Variants in TKFC observed in about 807,000 individuals in gnomAD.
TKFC encodes the protein triokinase and FMN cyclase.
TKFC carries 46 observed loss-of-function variants against 61.0 expected under a neutral mutation model. That is an observed-to-expected ratio of 0.75 (90% CI 0.60 to 0.96). The LOEUF is 0.96. Among genes scored for constraint, TKFC ranks in the 50% least tolerant of loss-of-function variants. The pLI, the probability that TKFC is intolerant of heterozygous loss-of-function variation, is 0.00. For missense variants in TKFC, 715 were observed against 777.5 expected, an observed-to-expected ratio of 0.92 and a Z score of 0.96; for synonymous variants, 314 against 330.1, an observed-to-expected ratio of 0.95 and a Z score of 0.53.
At chr11:61,336,110 T>TA (rs1301039308) in intron 2 of TKFC, 1 of 154,240 alleles carries the variant, frequency 6.5e-6, no homozygotes, top group African/African-American at 2.4e-5. Context: ...GAAGATTAAA[T>TA]GAGACATGCT....
chr11:61,344,265 C>T lies in TKFC; in HGVS notation c.1232C>T (p.Ala411Val), dbSNP rs532041401. The change falls in exon 13 of 18, where the codon GCG becomes GTG. Residue 411 changes from alanine to valine, a missense_variant. Physicochemically the swap from Ala to Val is moderately conservative, Grantham distance 64. Transcript: ENST00000394900. ...DGDCGTTHSR[A>V]ARAIQEWLKE... ...GACTGTGGCACCACCCACAGCCGTG[C>T]GGCCAGAGGTTGGTGCCAGGGACTT... 5.5e-5 allele frequency: 88 copies of T among 1,612,442 alleles called. 3 individuals carry two copies. In the South Asian group the frequency reaches 8.0e-4, roughly 15 times the overall value.
At chr11:61,340,135 C>T (rs1295597245) in intron 5 of TKFC, among the ~76,000 whole-genome samples, 1 of 152,100 alleles carries the variant, frequency 6.6e-6, no homozygotes. Context: ...CTCAGCCTCC[C>T]GAGTAGCTGG....
In TKFC at chr11:61,342,799, T is replaced by G. The variant is rs1195417742; in HGVS notation, c.820T>G (p.Phe274Val). 1 of 1,614,006 alleles carries G rather than the reference T, an allele frequency of 6.2e-7. No homozygotes were observed. ...MMVNNLGGLS[F>V]LELGIIADAT... ...GGTCAACAACCTGGGTGGCCTGTCA[T>G]TCCTGGAACTGGGCATCATAGCCGA... The change falls in exon 10 of 18, where the codon TTC becomes GTC. Residue 274 changes from phenylalanine to valine, a missense_variant. By Grantham distance (50) the Phe-to-Val change is conservative. Coordinates refer to ENST00000394900, the MANE Select transcript of TKFC (RefSeq NM_015533.4).
chr11:61,337,673 T>C (rs1856668152), intron 2 of TKFC, among the ~76,000 whole-genome samples: 1 of 152,190 alleles, frequency 6.6e-6, no homozygotes, highest in African/African-American at 2.4e-5. Context: ...ACTCCCCCAT[T>C]TTCTTTGTAT....
chr11:61,352,830 TA>T (rs745376884), downstream of TKFC: 14 of 1,466,840 alleles, frequency 9.5e-6, no homozygotes, highest in African/African-American at 1.6e-4. Context: ...AATTTCAACC[TA>T]AAGAAAGATC....
chr11:61,335,276 TC>T (rs1435404042), intron 2 of TKFC: 1 of 156,640 alleles, frequency 6.4e-6, no homozygotes, highest in African/African-American at 2.4e-5. Flanking sequence ...CGCCTCTTTT[TC>T]TTCATCTGCA....
chr11:61,343,849 C>T lies in TKFC; in HGVS notation c.983-7C>T, dbSNP rs1213335580. On this transcript the variant is annotated splice_region_variant and splice_polypyrimidine_tract_variant and intron_variant, in intron 11 of 17. Transcript: ENST00000394900. ...CGTGTCTAAGAGAGTTATCTTGCTG[C>T]CCTTAGATGCTGAAACCACTGCAGC... The T allele has an allele frequency of 7.5e-6, 12 of 1,606,700 alleles. No individual in the cohort carries two copies. The highest frequency in any genetic ancestry group is 9.3e-6 in the Non-Finnish European group (11 of 1,179,014).
chr11:61,352,964 T>C, downstream of TKFC: 1 of 1,614,144 alleles, frequency 6.2e-7, no homozygotes, highest in Non-Finnish European at 8.5e-7. Flanking sequence ...ACCTTAGAGT[T>C]GGGGACCCCA....
downstream of TKFC, chr11:61,350,523 A>G (rs1386622105): frequency 1.4e-6 from 2 of 1,464,632 alleles, no homozygotes; most frequent in Non-Finnish European, 1.9e-6. Context: ...GGTGGTCCCC[A>G]TCCAAGCCAC....
intron 5 of TKFC, 144 bp downstream of exon 5, chr11:61,339,579 G>A (rs138443248): frequency 2.3e-5 from 22 of 938,864 alleles, no homozygotes; most frequent in African/African-American, 1.8e-4. Flanking sequence ...AGAAGGCCCC[G>A]CCATCCCCTC....
Position 61,339,394 on chromosome 11 carries a change from G to A in TKFC, c.445G>A (p.Ala149Thr), listed in dbSNP as rs1404479839. The A allele has an allele frequency of 1.9e-6, 3 of 1,613,234 alleles. No individual in the cohort carries two copies. The highest frequency in any genetic ancestry group is 2.5e-6 in the Non-Finnish European group (3 of 1,179,918). Reference protein sequence around the residue: ...DDSAFTVLKKAGRRGLCGTVL... With the variant: ...DDSAFTVLKKTGRRGLCGTVL... ...CAGCGCCTTCACTGTCCTGAAGAAG[G>A]CAGGCCGGCGGGGGCTGTGCGGCAC... Residue 149 changes from alanine to threonine, a missense_variant, in exon 5 of 18, where the codon GCA becomes ACA. Coordinates refer to ENST00000394900, the MANE Select transcript of TKFC (RefSeq NM_015533.4).
At chr11:61,334,075 G>C (rs988901625) in intron 1 of TKFC, 4 of 152,468 alleles carry the variant, frequency 2.6e-5, no homozygotes, top group African/African-American at 9.7e-5. Flanking sequence ...CAGAGACTCT[G>C]CCTGACTTTG....
intron 10 of TKFC, 22 bp downstream of exon 10, chr11:61,342,866 G>A: frequency 6.2e-7 from 1 of 1,612,092 alleles, no homozygotes; most frequent in Non-Finnish European, 8.5e-7. Context: ...ACTGGGAAGG[G>A]GATCCTACAG....
At chr11:61,336,090 G>C (rs909941092) in intron 2 of TKFC, 2 of 153,614 alleles carry the variant, frequency 1.3e-5, no homozygotes, top group Non-Finnish European at 2.9e-5. Flanking sequence ...TACCACACCC[G>C]GCCTGTTGGG....
chr11:61,351,732 A>T (rs913832065), downstream of TKFC: 1 of 152,212 alleles, frequency 6.6e-6, no homozygotes, highest in Non-Finnish European at 1.5e-5. Flanking sequence ...CCTGTGCAAC[A>T]TAGTGAGATC....
At chr11:61,343,309 TCCC>T (rs1380553366) in intron 10 of TKFC, 30 bp from the exon 11 acceptor site, 2 of 1,588,472 alleles carry the variant, frequency 1.3e-6, no homozygotes, top group Admixed American at 1.7e-5. Flanking sequence ...TGCCCATTTT[TCCC>T]TTTTGGACTG....
chr11:61,346,627 A>G lies in TKFC; in HGVS notation c.*124A>G. On this transcript the variant is annotated 3_prime_UTR_variant, in exon 18 of 18. Transcript: ENST00000394900. The surrounding 1 kb of genome is among the most constrained non-coding windows in gnomAD (Gnocchi z 4.1). ...CCTGGCCCCATTGGCCCACCCTCTA[A>G]GTTGAGCAGGAAATCCTCCACCAAG... 6.7e-7 allele frequency: 1 copy of G among 1,482,746 alleles called. No homozygotes were observed. Among genetic ancestry groups the G allele is most frequent in the Non-Finnish European group, 8.9e-7 (1 of 1,123,118 alleles). 91.8% of individuals were successfully genotyped at this position (1,482,746 alleles called of 1,614,324 possible). A position where few individuals can be genotyped will look rare whatever the true frequency, so the allele number is the denominator to read the frequency against.
Position 61,346,305 on chromosome 11 carries a change from GC to G in TKFC, c.1576-44del, listed in dbSNP as rs1349512021. On this transcript the variant is annotated intron_variant, in intron 17 of 17. Coordinates refer to ENST00000394900, the MANE Select transcript of TKFC (RefSeq NM_015533.4). This position sits in a 1 kb window ranked among gnomAD's most constrained non-coding sequence, Gnocchi z 4.1. ...TTCTGCCCATGGCAGGAAGGAGGCG[GC>G]CTGGTGATCTGCCCTTGAACCTGCT... 9 of 1,609,112 alleles carry G rather than the reference GC, an allele frequency of 5.6e-6. No homozygotes were observed. In the South Asian group the frequency reaches 9.9e-5, roughly 18 times the overall value.
downstream of TKFC, chr11:61,353,189 C>T: frequency 1.3e-6 from 2 of 1,535,614 alleles, no homozygotes; most frequent in South Asian, 2.6e-5. Flanking sequence ...GTGACCAAAG[C>T]ACATCCCACC....
Sources: gnomAD v4.1 joint callset for allele counts (sites outside exome capture counted in the v4.1 genomes callset) on GRCh38, gnomAD v4.1.1 for gene constraint, Gnocchi (gnomAD v3.1) non-coding constraint, MANE v1.5 for transcripts, NCBI Gene and HGNC (gene_info 2026-07-23, HGNC 2026-07-21) for gene names.